The following FOXN3 variants were observed in gnomAD, a reference collection of about 807,000 sequenced individuals.
FOXN3 encodes the protein forkhead box N3, also known as forkhead box protein N3.
In FOXN3, 7 loss-of-function variants were observed where a neutral mutation model predicts 38.4. The observed-to-expected ratio is 0.18, with a 90% CI of 0.10 to 0.34. The LOEUF is 0.34. FOXN3 is among the 10% of genes least tolerant of loss of function. The pLI, the probability that FOXN3 is intolerant of heterozygous loss-of-function variation, is 1.00. For synonymous variants in FOXN3, 230 were observed against 242.2 expected (o/e 0.95, Z 0.47); for missense variants, 456 against 613.4 (o/e 0.74, Z 2.71).
intron 1 of FOXN3, among the ~76,000 whole-genome samples, chr14:89,566,235 C>A (rs980010714): frequency 6.6e-6 from 1 of 152,128 alleles, no homozygotes. Flanking sequence ...AAATGACACC[C>A]TTTCATTACT....
chr14:89,439,564 C>G (rs891851229), intron 1 of FOXN3, among the ~76,000 whole-genome samples: 7 of 151,970 alleles, frequency 4.6e-5, no homozygotes, highest in Non-Finnish European at 7.4e-5. Flanking sequence ...TAATCCACAT[C>G]TTGTTTAGCA....
rs760173797 is a variant in FOXN3, at chr14:89,412,517, T to A, written c.-14-27A>T. ...TAGTAAAGACATCACAAAGAAATGA[T>A]GAGCTGGCGAGGCCCAAAACAGAAA... On this transcript the variant is annotated intron_variant, in intron 1 of 5. Coordinates refer to ENST00000557258, the MANE Select transcript of FOXN3 (RefSeq NM_005197.4). This position sits in a 1 kb window ranked among gnomAD's most constrained non-coding sequence, Gnocchi z 4.7. 7 of 1,549,798 alleles carry A rather than the reference T, an allele frequency of 4.5e-6. No homozygotes were observed. The highest frequency in any genetic ancestry group is 6.1e-6 in the Non-Finnish European group (7 of 1,146,346).
chr14:89,513,507 T>C (rs1020063746), intron 1 of FOXN3, among the ~76,000 whole-genome samples: 2 of 152,194 alleles, frequency 1.3e-5, no homozygotes, highest in African/African-American at 4.8e-5. Flanking sequence ...CCCATAGTGC[T>C]GGGATTACAG....
At chr14:89,537,677 G>C (rs574779034) in intron 1 of FOXN3, among the ~76,000 whole-genome samples, 1 of 152,314 alleles carries the variant, frequency 6.6e-6, no homozygotes, top group South Asian at 2.1e-4. Context: ...GCCAATGTGT[G>C]AGTGACATCT....
chr14:89,558,699 G>A (rs1166918588), intron 1 of FOXN3, among the ~76,000 whole-genome samples: 1 of 152,238 alleles, frequency 6.6e-6, no homozygotes, highest in East Asian at 1.9e-4. Context: ...ACCCCTCAGG[G>A]AAGGTGGTGC....
intron 1 of FOXN3, among the ~76,000 whole-genome samples, chr14:89,532,565 G>A (rs149328358): frequency 3.3e-5 from 5 of 152,264 alleles, no homozygotes; most frequent in South Asian, 4.1e-4. Flanking sequence ...AATAATGTGT[G>A]AGAACATTAC....
chr14:89,616,430 G>C (rs997258912), intron 1 of FOXN3, among the ~76,000 whole-genome samples: 12 of 152,042 alleles, frequency 7.9e-5, no homozygotes, highest in African/African-American at 2.7e-4. Flanking sequence ...TTTTCATTTA[G>C]ATTTTCCTTT....
intron 1 of FOXN3, among the ~76,000 whole-genome samples, chr14:89,588,567 C>T (rs2139922178): frequency 6.6e-6 from 1 of 152,184 alleles, no homozygotes; most frequent in South Asian, 2.1e-4. Context: ...TCACTAATGG[C>T]CAGGTTAAAT....
chr14:89,506,666 G>T (rs7494607), intron 1 of FOXN3, among the ~76,000 whole-genome samples: 45,868 of 152,114 alleles, frequency 0.3, 8,762 homozygotes, highest in Middle Eastern at 0.42. Context: ...TAACAATCGC[G>T]GTTTTGTGGA....
chr14:89,488,144 A>G (rs1282350971), intron 1 of FOXN3, among the ~76,000 whole-genome samples: 1 of 149,562 alleles, frequency 6.7e-6, no homozygotes, highest in Non-Finnish European at 1.5e-5. Context: ...GTGCAGTGGC[A>G]CAATCTCAGC....
Position 89,445,957 on chromosome 14 carries a change from C to T in FOXN3, c.-14-33467G>A, listed in dbSNP as rs539390049. Among the ~76,000 whole-genome samples the T allele has an allele frequency of 1.3e-4, 17 of 133,674 alleles. No homozygotes were observed. In the South Asian group the frequency reaches 1.9e-3, roughly 15 times the overall value. The allele number at this position is 133,674 out of a possible 152,430, so 87.7% of individuals were successfully genotyped here. A position where few individuals can be genotyped will look rare whatever the true frequency, so the allele number is the denominator to read the frequency against. On this transcript the variant is annotated intron_variant, in intron 1 of 6. Transcript: ENST00000345097. ...ATTAGCCAGGCATGGTGGGGGGTGG[C>T]GGGGGTGGAGGACATGCACCTGTAG...
At chr14:89,285,481 T>C (rs1339345064) in intron 3 of FOXN3, among the ~76,000 whole-genome samples, 1 of 149,774 alleles carries the variant, frequency 6.7e-6, no homozygotes, top group Non-Finnish European at 1.5e-5. Context: ...ATCACGCCAC[T>C]GCACTCCAGC....
At chr14:89,508,095 C>T (rs1027384604) in intron 1 of FOXN3, among the ~76,000 whole-genome samples, 2 of 152,178 alleles carry the variant, frequency 1.3e-5, no homozygotes, top group South Asian at 4.1e-4. Flanking sequence ...CCAATCCTAG[C>T]ATAAACCAGT....
At chr14:89,510,231 G>T (rs1351286948) in intron 1 of FOXN3, among the ~76,000 whole-genome samples, 3 of 152,188 alleles carry the variant, frequency 2.0e-5, no homozygotes, top group African/African-American at 7.2e-5. Context: ...GTGAGACTGG[G>T]ACTGGAACCC....
intron 3 of FOXN3, among the ~76,000 whole-genome samples, chr14:89,308,625 C>T (rs1887446555): frequency 6.6e-6 from 1 of 152,162 alleles, no homozygotes; most frequent in Non-Finnish European, 1.5e-5. Context: ...AGAATCTGGC[C>T]CCAGAACTGG....
rs1001308441 is a variant in FOXN3 at position 89,262,856 on chromosome 14, A to C, written c.745+18094T>G. ...ACTTTCAGTTTAATTGAAGATAACA[A>C]ATGGTTCACTGAACTGACAGGCAAC... On this transcript the variant is annotated intron_variant, in intron 4 of 5. Transcript: ENST00000557258. 1.2e-4 allele frequency among the ~76,000 whole-genome samples: 18 copies of C among 152,378 alleles called. No individual in the cohort carries two copies. The South Asian group carries it at 1.2e-3, about 11-fold the overall frequency.
At chr14:89,415,613 A>G in intron 1 of FOXN3, among the ~76,000 whole-genome samples, 1 of 101,768 alleles carries the variant, frequency 9.8e-6, no homozygotes, top group South Asian at 3.1e-4. Context: ...CCAAAAAAAA[A>G]AAAAAAAAAA....
chr14:89,186,571 G>A (rs1473739422), intron 4 of FOXN3, among the ~76,000 whole-genome samples: 1 of 152,124 alleles, frequency 6.6e-6, no homozygotes, highest in Non-Finnish European at 1.5e-5. Context: ...AGATGGATTT[G>A]ACTGGAGCAT....
intron 2 of FOXN3, among the ~76,000 whole-genome samples, chr14:89,411,061 C>T (rs2140096435): frequency 6.6e-6 from 1 of 152,268 alleles, no homozygotes; most frequent in Middle Eastern, 3.4e-3. Context: ...GTCAGCATTG[C>T]CACCTGAGCT....
Sources: gnomAD v4.1 joint callset for allele counts (sites outside exome capture counted in the v4.1 genomes callset) on GRCh38, gnomAD v4.1.1 for gene constraint, Gnocchi (gnomAD v3.1) non-coding constraint, MANE v1.5 for transcripts, NCBI Gene and HGNC (gene_info 2026-07-23, HGNC 2026-07-21) for gene names.